DCDC1: variants seen among roughly 807,000 people sequenced by gnomAD.
DCDC1 encodes doublecortin domain-containing protein 1.
A neutral mutation model predicts 178.3 loss-of-function variants in DCDC1; 200 were observed. That is an observed-to-expected ratio of 1.12 (90% confidence interval 1.00 to 1.26). DCDC1 has a LOEUF of 1.26. DCDC1 is among the 50% of genes most tolerant of loss of function. The pLI, the probability that DCDC1 is intolerant of heterozygous loss-of-function variation, is 0.00. For missense variants in DCDC1, 1,983 were observed against 1,749.2 expected, an observed-to-expected ratio of 1.13 and a Z score of -2.38; for synonymous variants, 690 against 604.8, an observed-to-expected ratio of 1.14 and a Z score of -2.07.
chr11:31,369,337 T>C lies in DCDC1; in HGVS notation c.-125+360A>G, dbSNP rs768424335. On this transcript the variant is annotated intron_variant, in intron 1 of 38. Transcript: ENST00000684477. Reference sequence around the variant, plus strand: ...GTCGAATATCTTCTGCAGAAAAAATTAAACCGACCCCATCCCCCGCACATC... The same window carrying C: ...GTCGAATATCTTCTGCAGAAAAAATCAAACCGACCCCATCCCCCGCACATC... Among the ~76,000 whole-genome samples, 11 of 152,220 alleles carry C rather than the reference T, an allele frequency of 7.2e-5. 1 individual carries two copies. The highest frequency in any genetic ancestry group is 1.5e-4 in the Non-Finnish European group (10 of 68,028).
At chr11:30,915,931 A>C (rs1945799657) in intron 26 of DCDC1, among the ~76,000 whole-genome samples, 1 of 152,224 alleles carries the variant, frequency 6.6e-6, no homozygotes. Flanking sequence ...TTGTAACATA[A>C]ATAAATGTTT....
intron 20 of DCDC1, among the ~76,000 whole-genome samples, chr11:30,968,711 T>TTATATATATATATATA (rs71451193): frequency 0.015 from 893 of 60,944 alleles, 79 homozygotes; most frequent in African/African-American, 0.031. Flanking sequence ...ATATATCAAA[T>TTATATATATATATATA]TATATATATA....
chr11:30,929,116 C>T (rs1946768891), intron 22 of DCDC1, among the ~76,000 whole-genome samples: 1 of 152,018 alleles, frequency 6.6e-6, no homozygotes, highest in Non-Finnish European at 1.5e-5. Context: ...TCAAATATAA[C>T]TAACCATTCA....
chr11:31,120,662 A>T (rs1431533754), intron 11 of DCDC1, among the ~76,000 whole-genome samples: 2 of 152,098 alleles, frequency 1.3e-5, no homozygotes, highest in African/African-American at 2.4e-5. Flanking sequence ...ATCACTGACC[A>T]ATTGTGTGTG....
At chr11:31,018,655 A>G (rs1445287699) in intron 20 of DCDC1, among the ~76,000 whole-genome samples, 1 of 152,204 alleles carries the variant, frequency 6.6e-6, no homozygotes, top group Non-Finnish European at 1.5e-5. Context: ...AGCTACCAAG[A>G]AATATTTGTT....
chr11:30,920,746 G>A, intron 25 of DCDC1, 30 bp downstream of exon 25: 1 of 1,609,660 alleles, frequency 6.2e-7, no homozygotes, highest in African/African-American at 1.3e-5. Flanking sequence ...AAGCAGCCAG[G>A]TAGCTTTTCA....
At chr11:31,193,405 G>A (rs945511064) in intron 9 of DCDC1, among the ~76,000 whole-genome samples, 1 of 151,966 alleles carries the variant, frequency 6.6e-6, no homozygotes, top group Non-Finnish European at 1.5e-5. Flanking sequence ...TGATGCTCAA[G>A]GGAAATGCTT....
chr11:30,927,144 C>T (rs1946637327), intron 22 of DCDC1, among the ~76,000 whole-genome samples: 1 of 152,072 alleles, frequency 6.6e-6, no homozygotes, highest in African/African-American at 2.4e-5. Flanking sequence ...GTCTCATTTT[C>T]TTTCTTCTCC....
chr11:30,929,762 A>T (rs1026171789), intron 22 of DCDC1, among the ~76,000 whole-genome samples: 3 of 152,088 alleles, frequency 2.0e-5, no homozygotes, highest in Non-Finnish European at 4.4e-5. Flanking sequence ...TTTAACTTAC[A>T]TTTCTGAGAG....
chr11:30,951,721 C>T (rs1320071032), intron 21 of DCDC1, among the ~76,000 whole-genome samples: 1 of 151,584 alleles, frequency 6.6e-6, no homozygotes, highest in African/African-American at 2.4e-5. Context: ...CTAAAATGTT[C>T]AGAAATAAAC....
At chr11:31,255,419 A>G (rs911990565) in intron 8 of DCDC1, among the ~76,000 whole-genome samples, 13 of 152,108 alleles carry the variant, frequency 8.5e-5, no homozygotes, top group Non-Finnish European at 1.8e-4. Flanking sequence ...TCCACAAGCA[A>G]TGTGTGAGGG....
chr11:31,137,067 T>G (rs923613370), intron 10 of DCDC1, among the ~76,000 whole-genome samples: 30 of 152,188 alleles, frequency 2.0e-4, no homozygotes, highest in African/African-American at 7.0e-4. Context: ...AAATTTTTGT[T>G]TTTCCTATGT....
chr11:30,882,074 CA>C, intron 36 of DCDC1: 1 of 153,588 alleles, frequency 6.5e-6, no homozygotes, highest in Non-Finnish European at 1.5e-5. Flanking sequence ...ATTAGAGGGC[CA>C]AAAGCCTGTT....
At chr11:30,921,284 G>A (rs969022085) in intron 24 of DCDC1, among the ~76,000 whole-genome samples, 4 of 152,136 alleles carry the variant, frequency 2.6e-5, no homozygotes, top group African/African-American at 9.7e-5. Flanking sequence ...AGAAAGCCTT[G>A]AATGACACAT....
intron 32 of DCDC1, among the ~76,000 whole-genome samples, chr11:30,902,028 C>T (rs11821688): frequency 0.015 from 2,246 of 151,654 alleles, 59 homozygotes; most frequent in African/African-American, 0.052. Flanking sequence ...AATGATCAAA[C>T]GAATACAGAT....
At chr11:30,888,146 G>GAAAGAAAGAAAGAAAGAAAGAAAGAA (rs1565030383) in intron 36 of DCDC1, among the ~76,000 whole-genome samples, 1 of 138,122 alleles carries the variant, frequency 7.2e-6, no homozygotes. Context: ...AAGAAAGAAA[G>GAAAGAAAGAAAGAAAGAAAGAAAGAA]AAAGAAAGAA....
intron 4 of DCDC1, among the ~76,000 whole-genome samples, chr11:31,307,071 CAGA>C (rs1238622630): frequency 6.6e-6 from 1 of 152,116 alleles, no homozygotes; most frequent in Non-Finnish European, 1.5e-5. Context: ...TGTAATGCCA[CAGA>C]AGAAGAGTAA....
At chr11:31,044,477 C>CAAA (rs34317259) in intron 20 of DCDC1, among the ~76,000 whole-genome samples, 1 of 96,908 alleles carries the variant, frequency 1.0e-5, no homozygotes, top group African/African-American at 3.8e-5. Context: ...TACTCCATCT[C>CAAA]AAAAAAAAAA....
intron 16 of DCDC1, among the ~76,000 whole-genome samples, chr11:31,091,797 T>C (rs1957837556): frequency 6.6e-6 from 1 of 152,158 alleles, no homozygotes; most frequent in Non-Finnish European, 1.5e-5. Flanking sequence ...GTGCAGCAAT[T>C]TGGGGTCCAT....
Sources: allele counts gnomAD v4.1 joint callset (sites outside exome capture counted in the v4.1 genomes callset), GRCh38; gene constraint gnomAD v4.1.1; transcripts MANE v1.5; gene names NCBI Gene and HGNC (gene_info 2026-07-23, HGNC 2026-07-21).